CLYBL: variants seen among roughly 807,000 people sequenced by gnomAD.
CLYBL encodes the protein citramalyl-CoA lyase.
A neutral mutation model predicts 38.9 loss-of-function variants in CLYBL; 31 were observed. That is an observed-to-expected ratio of 0.80 (90% CI 0.60 to 1.08). The LOEUF (loss-of-function observed/expected upper bound fraction) is 1.08, where lower values mean the gene tolerates loss of function less well. Ranked by LOEUF, CLYBL falls within the 50% of genes least tolerant of loss-of-function variation. The pLI is 0.00. For synonymous variants in CLYBL, 171 were observed against 158.6 expected, an observed-to-expected ratio of 1.08 and a Z score of -0.59; for missense variants, 434 against 411.6, an observed-to-expected ratio of 1.05 and a Z score of -0.47.
intron 1 of CLYBL, among the ~76,000 whole-genome samples, chr13:99,699,309 C>T (rs1443859005): frequency 2.0e-5 from 3 of 152,022 alleles, no homozygotes; most frequent in Admixed American, 6.6e-5. Context: ...CCCTCGAACC[C>T]GGGAGGTGGA....
At chr13:99,816,816 T>G (rs2139009817) in intron 2 of CLYBL, among the ~76,000 whole-genome samples, 1 of 152,274 alleles carries the variant, frequency 6.6e-6, no homozygotes, top group South Asian at 2.1e-4. Context: ...CAGTCTATGG[T>G]ATTTTGTTAT....
chr13:99,820,944 G>A (rs758908948), intron 2 of CLYBL, among the ~76,000 whole-genome samples: 4 of 152,050 alleles, frequency 2.6e-5, no homozygotes, highest in Non-Finnish European at 5.9e-5. Context: ...TGGCAGAGAA[G>A]GAAAACATAA....
intron 2 of CLYBL, among the ~76,000 whole-genome samples, chr13:99,819,467 T>A (rs2761166): frequency 0.046 from 2,543 of 55,430 alleles, 238 homozygotes; most frequent in African/African-American, 0.1. Context: ...TATATATATA[T>A]AATATTTGTC....
At chr13:99,724,910 TA>T (rs1298468308) in intron 1 of CLYBL, among the ~76,000 whole-genome samples, 2 of 152,238 alleles carry the variant, frequency 1.3e-5, no homozygotes, top group African/African-American at 4.8e-5. Context: ...GTATCCTATT[TA>T]AAAAGGGATT....
chr13:99,645,389 T>G (rs2047162422), intron 1 of CLYBL, among the ~76,000 whole-genome samples: 1 of 151,110 alleles, frequency 6.6e-6, no homozygotes, highest in Admixed American at 6.6e-5. Flanking sequence ...TCCCAGCTAC[T>G]TGGGAGGCTG....
At chr13:99,807,664 A>T (rs1594195136) in intron 2 of CLYBL, among the ~76,000 whole-genome samples, 1 of 151,790 alleles carries the variant, frequency 6.6e-6, no homozygotes, top group Non-Finnish European at 1.5e-5. Context: ...GCCGGGGGGG[A>T]AGGAGGAACG....
intron 3 of CLYBL, among the ~76,000 whole-genome samples, chr13:99,860,785 G>A (rs2051581437): frequency 6.6e-6 from 1 of 152,212 alleles, no homozygotes; most frequent in Admixed American, 6.5e-5. Context: ...TTTATGCGAA[G>A]CATAAAACCC....
At chr13:99,711,403 CTTTTTTTTTTT>C (rs71215540) in intron 1 of CLYBL, among the ~76,000 whole-genome samples, 1 of 83,190 alleles carries the variant, frequency 1.2e-5, no homozygotes, top group East Asian at 4.3e-4. Flanking sequence ...GGGAGTCCGT[CTTTTTTTTTTT>C]TTTTTTTTTT....
At chr13:99,803,229 C>T (rs1049563702) in intron 2 of CLYBL, among the ~76,000 whole-genome samples, 1 of 152,270 alleles carries the variant, frequency 6.6e-6, no homozygotes, top group East Asian at 1.9e-4. Context: ...AAGAGAAGGC[C>T]ATGGCAAATC....
At chr13:99,632,591 A>G (rs2139238189) in intron 1 of CLYBL, among the ~76,000 whole-genome samples, 1 of 152,240 alleles carries the variant, frequency 6.6e-6, no homozygotes, top group South Asian at 2.1e-4. Context: ...AATATACAAA[A>G]AAAATTAGCC....
intron 1 of CLYBL, among the ~76,000 whole-genome samples, chr13:99,765,849 C>CTT (rs143574260): frequency 3.6e-4 from 45 of 126,176 alleles, no homozygotes; most frequent in Non-Finnish European, 6.0e-4. Context: ...CAAGTCGAGT[C>CTT]TTTTTTTTTT....
chr13:99,658,506 C>G (rs775748629), intron 1 of CLYBL, among the ~76,000 whole-genome samples: 1 of 152,188 alleles, frequency 6.6e-6, no homozygotes, highest in African/African-American at 2.4e-5. Flanking sequence ...TCCTGTGTCC[C>G]TCTCCCCCAC....
At chr13:99,742,057 A>G (rs1481860867) in intron 1 of CLYBL, among the ~76,000 whole-genome samples, 1 of 152,212 alleles carries the variant, frequency 6.6e-6, no homozygotes, top group Non-Finnish European at 1.5e-5. Context: ...TATGATTTGA[A>G]TGTTCACTTG....
chr13:99,727,075 C>G (rs554110278), intron 1 of CLYBL, among the ~76,000 whole-genome samples: 3 of 151,776 alleles, frequency 2.0e-5, no homozygotes, highest in African/African-American at 7.2e-5. Context: ...AGGTGAATCA[C>G]TTGAACCTGG....
At chr13:99,764,940 C>T (rs948954624) in intron 1 of CLYBL, among the ~76,000 whole-genome samples, 15 of 151,942 alleles carry the variant, frequency 9.9e-5, no homozygotes, top group Admixed American at 7.9e-4. Flanking sequence ...CCTGCTGCCT[C>T]GACCTCCCAA....
chr13:99,649,606 C>T (rs946501056), intron 1 of CLYBL, among the ~76,000 whole-genome samples: 6 of 152,218 alleles, frequency 3.9e-5, no homozygotes, highest in African/African-American at 1.2e-4. Context: ...TGGCTCACGC[C>T]TGTAATCCCA....
intron 1 of CLYBL, among the ~76,000 whole-genome samples, chr13:99,717,511 G>A (rs1331250601): frequency 6.6e-6 from 1 of 150,704 alleles, no homozygotes; most frequent in Non-Finnish European, 1.5e-5. Flanking sequence ...CTAGGCTGGA[G>A]TGCAGTGGCA....
chr13:99,645,144 C>T lies in CLYBL; in HGVS notation c.62+38387C>T, dbSNP rs1033733802. On this transcript the variant is annotated intron_variant, in intron 1 of 8. Transcript: ENST00000339105. Reference sequence around the variant, plus strand: ...AAATTACATTCCCATTAACAGTGTACGATGGTTTCCTTTTTTCCATATCCT... The same window carrying T: ...AAATTACATTCCCATTAACAGTGTATGATGGTTTCCTTTTTTCCATATCCT... Among the ~76,000 whole-genome samples the T allele has an allele frequency of 3.3e-5, 5 of 152,100 alleles. No homozygotes were observed. The East Asian group carries it at 9.6e-4, about 29-fold the overall frequency.
chr13:99,888,102 C>T (rs1214258138), intron 7 of CLYBL, among the ~76,000 whole-genome samples: 4 of 152,042 alleles, frequency 2.6e-5, no homozygotes, highest in East Asian at 1.9e-4. Context: ...GTGATCCATC[C>T]GCCTTGGCCT....
Sources: gnomAD v4.1 joint callset for allele counts (sites outside exome capture counted in the v4.1 genomes callset) on GRCh38, gnomAD v4.1.1 for gene constraint, MANE v1.5 for transcripts, NCBI Gene and HGNC (gene_info 2026-07-23, HGNC 2026-07-21) for gene names.